MUCL3: variants seen among roughly 807,000 people sequenced by gnomAD.
The protein encoded by MUCL3 is mucin like 3.
A neutral mutation model predicts 70.2 loss-of-function variants in MUCL3; 42 were observed. The observed-to-expected ratio is 0.60, with a 90% CI of 0.47 to 0.77. The LOEUF (loss-of-function observed/expected upper bound fraction) is 0.77. Ranked by LOEUF, MUCL3 falls within the 30% of genes least tolerant of loss-of-function variation. MUCL3 has a pLI of 0.00. For missense variants in MUCL3, 1,429 were observed against 1,670.0 expected (o/e 0.86, Z 2.52); for synonymous variants, 522 against 647.0 (o/e 0.81, Z 2.93).
chr6:30,953,179 C>T lies in MUCL3; in HGVS notation c.*62C>T, dbSNP rs1472323939. 10 of 1,585,922 alleles carry T rather than the reference C, an allele frequency of 6.3e-6. No individual in the cohort carries two copies. The highest frequency in any genetic ancestry group is 5.7e-5 in the South Asian group (5 of 87,146). On this transcript the variant is annotated 3_prime_UTR_variant, in exon 3 of 3. Transcript: ENST00000462446. ...TCTGCCCCTTTCCTGGATGAGGAAC[C>T]GGACTCACAATTTCTATTTCCGGGA... is the stretch of plus-strand genomic sequence containing the variant.
chr6:30,941,194 C>A, intron 1 of MUCL3, 113 bp downstream of exon 1: 1 of 1,304,980 alleles, frequency 7.7e-7, no homozygotes, highest in Non-Finnish European at 1.1e-6. Flanking sequence ...CTGCTACAGA[C>A]AGTTGTCTAG....
chr6:30,946,277 T>C (rs1395471246), intron 1 of MUCL3: 1 of 152,224 alleles, frequency 6.6e-6, no homozygotes, highest in Admixed American at 6.5e-5. Context: ...CCATACTTCC[T>C]TTAATCCTCA....
intron 1 of MUCL3, 93 bp downstream of exon 1, chr6:30,941,174 G>A (rs888808635): frequency 4.9e-6 from 7 of 1,428,380 alleles, no homozygotes; most frequent in Non-Finnish European, 5.7e-6. Context: ...TGAAGGGGGC[G>A]GGCACGGGGC....
chr6:30,950,651 CA>C lies in MUCL3; in HGVS notation c.2189del (p.Asn730MetfsTer48). On this transcript the variant is annotated frameshift_variant, in exon 2 of 3. Coordinates refer to ENST00000462446, the MANE Select transcript of MUCL3 (RefSeq NM_080870.4). LOFTEE classifies it high-confidence loss of function. ...EPTENRERTANEKTTPFPAEP... is the reference protein window; with the variant it reads ...EPTENRERTAXEKTTPFPAEP... Reference sequence around the variant, plus strand: ...CTACAGAAAATAGAGAAAGGACAGCCAATGAGAAGACCACACCATTCCCAGC... The same window carrying C: ...CTACAGAAAATAGAGAAAGGACAGCCATGAGAAGACCACACCATTCCCAGC... The C allele has an allele frequency of 1.3e-6, 2 of 1,535,874 alleles. No individual in the cohort carries two copies.
rs191320042 is a variant in MUCL3 at position 30,944,906 on chromosome 6, G to A, written c.83-3641G>A. On this transcript the variant is annotated intron_variant, in intron 1 of 2. Transcript: ENST00000462446. Reference sequence around the variant, plus strand: ...GTTTACACTGATTTGCCTCTTGGCTGTGTCAGGGCCAAGGAATCCCTTGAG... The same window carrying A: ...GTTTACACTGATTTGCCTCTTGGCTATGTCAGGGCCAAGGAATCCCTTGAG... Among the ~76,000 whole-genome samples the A allele has an allele frequency of 1.1e-4, 16 of 152,344 alleles. No individual in the cohort carries two copies. The East Asian group carries it at 3.1e-3, about 29-fold the overall frequency.
chr6:30,950,265 C>G lies in MUCL3; in HGVS notation c.1801C>G (p.Pro601Ala). 6.5e-7 allele frequency: 1 copy of G among 1,550,262 alleles called. No individual in the cohort carries two copies. Among genetic ancestry groups the G allele is most frequent in the South Asian group, 1.2e-5 (1 of 84,000 alleles). ...NEKTTSSSAE[P>A]TEHEERTPLA... ...GAAGACCACATCATCCTCAGCAGAG[C>G]CTACAGAACACGAAGAAAGGACTCC... Residue 601 changes from proline (P) to alanine (A), a missense_variant, in exon 2 of 3, where the codon CCT becomes GCT. Pro to Ala is a conservative substitution (Grantham distance 27). Coordinates refer to ENST00000462446, the MANE Select transcript of MUCL3 (RefSeq NM_080870.4).
chr6:30,947,170 AG>A lies in MUCL3; in HGVS notation c.83-1375del, dbSNP rs368699145. On this transcript the variant is annotated intron_variant, in intron 1 of 2. Transcript: ENST00000462446. Reference sequence around the variant, plus strand: ...ACCAGCCACATCCTGGGGCCGGGGAAGGTGTCCAATAAACAATAGCTATTAC... The same window carrying A: ...ACCAGCCACATCCTGGGGCCGGGGAAGTGTCCAATAAACAATAGCTATTAC... Among the ~76,000 whole-genome samples the A allele has an allele frequency of 4.4e-3, 671 of 152,312 alleles. 8 individuals carry two copies. The highest frequency in any genetic ancestry group is 0.014 in the Middle Eastern group (4 of 294).
rs566618553 is a variant in MUCL3, at chr6:30,950,138, G to A, written c.1674G>A (p.Glu558=). The change falls in exon 2 of 3, where the codon GAG becomes GAA. Residue 558 remains glutamate, a synonymous_variant. Coordinates refer to ENST00000462446, the MANE Select transcript of MUCL3 (RefSeq NM_080870.4). Reference sequence around the variant, plus strand: ...AGAAGACCACACCATCCCCAGCAGAGCCTACAGAAAATGGAGACAGGACTC... The same window carrying A: ...AGAAGACCACACCATCCCCAGCAGAACCTACAGAAAATGGAGACAGGACTC... ...ANEKTTPSPA[E]PTENGDRTPL... 1.3e-6 allele frequency: 2 copies of A among 1,550,054 alleles called. No individual in the cohort carries two copies. The highest frequency in any genetic ancestry group is 1.7e-6 in the Non-Finnish European group (2 of 1,146,888).
Position 30,941,003 on chromosome 6 carries a change from G to T in MUCL3, c.4G>T (p.Ala2Ser). 1 of 1,549,246 alleles carries T rather than the reference G, an allele frequency of 6.5e-7. No homozygotes were observed. The highest frequency in any genetic ancestry group is 8.7e-7 in the Non-Finnish European group (1 of 1,146,974). M[A>S]QPVHSLCSAF... The stretch of plus-strand genomic sequence containing the variant: ...CAAGCAGCCACCCAGCTCCGACATG[G>T]CCCAGCCGGTCCACAGCCTCTGCTC... Residue 2 changes from alanine to serine, a missense_variant, in exon 1 of 3, where the codon GCC becomes TCC. By Grantham distance (99) the Ala-to-Ser change is moderately conservative (BLOSUM62 1). Transcript: ENST00000462446.
At position 30,949,226 on chromosome 6, in the gene MUCL3, A is replaced by C. The variant is rs1406664755; in HGVS notation, c.762A>C (p.Thr254=). 2.2e-5 allele frequency: 34 copies of C among 1,550,756 alleles called. No homozygotes were observed. The highest frequency in any genetic ancestry group is 2.8e-5 in the Non-Finnish European group (32 of 1,146,800). The stretch of plus-strand genomic sequence containing the variant: ...CAGAAAAAACTGAAGATTCCAGAAC[A>C]ACAGTTGCCTCAGACAAGCTCCTGA... ...EESEKTEDSR[T]TVASDKLLTK... is the part of the protein sequence containing the mutation. Residue 254 remains threonine (T), a synonymous_variant, in exon 2 of 3, where the codon ACA becomes ACC. Transcript: ENST00000462446.
Position 30,949,780 on chromosome 6 carries a change from C to A in MUCL3, c.1316C>A (p.Ala439Glu), listed in dbSNP as rs910810625. The change falls in exon 2 of 3, where the codon GCA becomes GAA. Residue 439 changes from alanine (A) to glutamate (E), a missense_variant. Physicochemically the swap from Ala to Glu is moderately radical, Grantham distance 107. Coordinates refer to ENST00000462446, the MANE Select transcript of MUCL3 (RefSeq NM_080870.4). ...AACGAGAACACCACACCATCCCCAG[C>A]AGAGCCTACAGAAAATAGAGAAAGG... is the stretch of plus-strand genomic sequence containing the variant. ...LANENTTPSP[A>E]EPTENRERTA... The A allele has an allele frequency of 5.2e-6, 8 of 1,550,656 alleles. No homozygotes were observed. The highest frequency in any genetic ancestry group is 7.0e-6 in the Non-Finnish European group (8 of 1,146,714).
intron 1 of MUCL3, among the ~76,000 whole-genome samples, chr6:30,946,759 G>A (rs1260243046): frequency 4.6e-5 from 7 of 152,182 alleles, no homozygotes; most frequent in East Asian, 1.9e-4. Flanking sequence ...ATCTGGGCCC[G>A]GGACCCCAGG....
chr6:30,950,523 C>A lies in MUCL3; in HGVS notation c.2059C>A (p.Pro687Thr), dbSNP rs1760603183. 6.5e-7 allele frequency: 1 copy of A among 1,545,654 alleles called. No homozygotes were observed. Among genetic ancestry groups the A allele is most frequent in the South Asian group, 1.2e-5 (1 of 83,806 alleles). ...GCCTACAGAAAATGGACAAAGGACC[C>A]CATTTGCCAATGAGAAAACCACATC... ...AEPTENGQRT[P>T]FANEKTTSSS... The change falls in exon 2 of 3, where the codon CCA (proline) becomes ACA (threonine). Residue 687 changes from proline (P) to threonine (T), a missense_variant. Pro to Thr is a conservative substitution (Grantham distance 38). Transcript: ENST00000462446.
Position 30,951,752 on chromosome 6 carries a change from G to T in MUCL3, c.3288G>T (p.Lys1096Asn), listed in dbSNP as rs766395537. Reference sequence around the variant, plus strand: ...CAAAAACTACGTCGGCCAATGAGAAGATCACACCATCCCTAGCAAAGCCTA... The same window carrying T: ...CAAAAACTACGTCGGCCAATGAGAATATCACACCATCCCTAGCAAAGCCTA... ...HGAKTTSANEKITPSLAKPTE... is the reference protein window; with the variant it reads ...HGAKTTSANENITPSLAKPTE... The change falls in exon 2 of 3, where the codon AAG becomes AAT. Residue 1096 changes from lysine (K) to asparagine (N), a missense_variant. Physicochemically the swap from Lys to Asn is moderately conservative, Grantham distance 94 (BLOSUM62 0). Transcript: ENST00000462446. 5.8e-6 allele frequency: 9 copies of T among 1,552,986 alleles called. No homozygotes were observed. In the African/African-American group the frequency reaches 9.6e-5, roughly 17 times the overall value.
chr6:30,941,088 T>C lies in MUCL3; in HGVS notation c.82+7T>C, dbSNP rs1222819451. The C allele has an allele frequency of 6.5e-7, 1 of 1,549,508 alleles. No homozygotes were observed. Among genetic ancestry groups the C allele is most frequent in the Non-Finnish European group, 8.7e-7 (1 of 1,146,954 alleles). On this transcript the variant is annotated splice_region_variant and intron_variant, in intron 1 of 2. Transcript: ENST00000462446. Reference sequence around the variant, plus strand: ...CTAGCTTCTTGGGGGGCAGGTAAGATGCCCACAGGGGATACAGAAGACAGA... The same window carrying C: ...CTAGCTTCTTGGGGGGCAGGTAAGACGCCCACAGGGGATACAGAAGACAGA...
At chr6:30,952,672 A>T in intron 2 of MUCL3, 173 bp downstream of exon 2, 1 of 828,646 alleles carries the variant, frequency 1.2e-6, no homozygotes, top group Non-Finnish European at 1.8e-6. Context: ...GACAATAAAT[A>T]CACAGGAGGT....
Position 30,950,138 on chromosome 6 carries a change from G to T in MUCL3, c.1674G>T (p.Glu558Asp), listed in dbSNP as rs566618553. The change falls in exon 2 of 3, where the codon GAG (glutamate) becomes GAT (aspartate). Residue 558 changes from glutamate to aspartate, a missense_variant. Glu to Asp is a conservative substitution (Grantham distance 45). Coordinates refer to ENST00000462446, the MANE Select transcript of MUCL3 (RefSeq NM_080870.4). ...ANEKTTPSPA[E>D]PTENGDRTPL... ...AGAAGACCACACCATCCCCAGCAGA[G>T]CCTACAGAAAATGGAGACAGGACTC... The T allele has an allele frequency of 1.3e-6, 2 of 1,550,054 alleles. No individual in the cohort carries two copies. Among genetic ancestry groups the T allele is most frequent in the African/African-American group, 1.4e-5 (1 of 72,228 alleles).
rs998222618 is a variant in MUCL3 at position 30,951,488 on chromosome 6, A to G, written c.3024A>G (p.Thr1008=). The change falls in exon 2 of 3, where the codon ACA becomes ACG. Residue 1008 remains threonine (T), a synonymous_variant. Transcript: ENST00000462446. ...AGTCTACAGAACATGGAGAAAGGAC[A>G]GCCAATGAGAAGACCACACCATCCC... ...PTESTEHGER[T]ANEKTTPSPA... is the part of the protein sequence containing the mutation. 6.5e-7 allele frequency: 1 copy of G among 1,546,990 alleles called. No individual in the cohort carries two copies. Among genetic ancestry groups the G allele is most frequent in the Non-Finnish European group, 8.7e-7 (1 of 1,145,632 alleles).
At position 30,948,965 on chromosome 6, in the gene MUCL3, CT is replaced by C; in HGVS notation, c.502del (p.Cys168ValfsTer11). On this transcript the variant is annotated frameshift_variant, in exon 2 of 3. Transcript: ENST00000462446. LOFTEE classifies it high-confidence loss of function. ...ITPAPKSKIN[C>X]RKSTTGKSTV... ...CGCCAGCACCCAAGAGCAAAATAAACTGTCGTAAGTCCACAACAGGCAAATC... is the reference window on the plus strand; with the variant it reads ...CGCCAGCACCCAAGAGCAAAATAAACGTCGTAAGTCCACAACAGGCAAATC... 6.4e-7 allele frequency: 1 copy of C among 1,551,398 alleles called. No homozygotes were observed. Among genetic ancestry groups the C allele is most frequent in the Non-Finnish European group, 8.7e-7 (1 of 1,146,906 alleles).
Sources: allele counts gnomAD v4.1 joint callset (sites outside exome capture counted in the v4.1 genomes callset), GRCh38; gene constraint gnomAD v4.1.1; transcripts MANE v1.5; gene names NCBI Gene and HGNC (gene_info 2026-07-23, HGNC 2026-07-21).